The following SUMF1 variants were observed in gnomAD, a reference collection of about 807,000 sequenced individuals.
SUMF1 encodes the protein sulfatase modifying factor 1.
A neutral mutation model predicts 47.6 loss-of-function variants in SUMF1; 48 were observed. The ratio of observed to expected loss-of-function variants is 1.01; its 90% CI spans 0.80 to 1.28. The LOEUF is 1.28. Ranked by LOEUF, SUMF1 falls within the 50% of genes most tolerant of loss-of-function variation. The pLI, the probability that SUMF1 is intolerant of heterozygous loss-of-function variation, is 0.00. For synonymous variants in SUMF1, 230 were observed against 192.1 expected, an observed-to-expected ratio of 1.20 and a Z score of -1.63; for missense variants, 571 against 485.4, an observed-to-expected ratio of 1.18 and a Z score of -1.66.
At chr3:4,171,450 C>T (rs765758928) in intron 8 of SUMF1, among the ~76,000 whole-genome samples, 2 of 152,036 alleles carry the variant, frequency 1.3e-5, no homozygotes, top group Non-Finnish European at 2.9e-5. Context: ...CCAAAGAAAC[C>T]CAAGGGTCAT....
chr3:4,252,581 C>A (rs1441607223), intron 8 of SUMF1, among the ~76,000 whole-genome samples: 1 of 152,084 alleles, frequency 6.6e-6, no homozygotes, highest in Non-Finnish European at 1.5e-5. Flanking sequence ...CATTTTTACA[C>A]GTACAATGAA....
At chr3:4,416,764 A>C (rs1559285748) in intron 6 of SUMF1, among the ~76,000 whole-genome samples, 1 of 152,232 alleles carries the variant, frequency 6.6e-6, no homozygotes, top group Non-Finnish European at 1.5e-5. Context: ...CATTGCAAGC[A>C]CTCAATAACT....
At position 4,145,599 on chromosome 3, in the gene SUMF1, G is replaced by A. The variant is rs114666915; in HGVS notation, c.1015-76854C>T. Among the ~76,000 whole-genome samples the A allele has an allele frequency of 9.2e-3, 1,402 of 152,176 alleles. 12 individuals are homozygous for A. The highest frequency in any genetic ancestry group is 0.014 in the Non-Finnish European group (938 of 68,012). ...TATTGCTTTTGTCTCTGTGCATAAT[G>A]CAGGGTTGACTCATAATAGATATGA... On this transcript the variant is annotated intron_variant and NMD_transcript_variant, in intron 8 of 12. Coordinates refer to the SUMF1 transcript ENST00000448413.
intron 8 of SUMF1, among the ~76,000 whole-genome samples, chr3:4,137,260 G>A (rs1253727132): frequency 6.6e-6 from 1 of 151,994 alleles, no homozygotes; most frequent in African/African-American, 2.4e-5. Flanking sequence ...AAGAAAATGT[G>A]GCACATATAC....
intron 8 of SUMF1, chr3:4,303,736 T>A (rs1559211118): frequency 6.7e-7 from 1 of 1,494,248 alleles, no homozygotes; most frequent in Non-Finnish European, 9.0e-7. Flanking sequence ...GTTGTCCTTT[T>A]CAGTCCATTC....
chr3:4,449,926 T>G (rs1702912920), intron 2 of SUMF1, among the ~76,000 whole-genome samples: 1 of 152,216 alleles, frequency 6.6e-6, no homozygotes, highest in Admixed American at 6.5e-5. Context: ...AGGTCGTTTG[T>G]CCCTTGGTAA....
chr3:4,387,560 TTC>T (rs1464139797), intron 7 of SUMF1, among the ~76,000 whole-genome samples: 1 of 152,060 alleles, frequency 6.6e-6, no homozygotes, highest in East Asian at 1.9e-4. Flanking sequence ...TAACTGATTT[TTC>T]TCTGTTTTTC....
intron 7 of SUMF1, among the ~76,000 whole-genome samples, chr3:4,384,782 A>T (rs1000454253): frequency 6.6e-6 from 1 of 152,134 alleles, no homozygotes; most frequent in Non-Finnish European, 1.5e-5. Context: ...ACGAATAAAG[A>T]TGCTATGTAC....
At chr3:4,085,728 C>T (rs1420277908) in intron 8 of SUMF1, among the ~76,000 whole-genome samples, 1 of 152,044 alleles carries the variant, frequency 6.6e-6, no homozygotes, top group Non-Finnish European at 1.5e-5. Context: ...TTTTGTTCTA[C>T]TTTGTCCTTC....
At chr3:4,457,811 A>C (rs2079703532) in intron 1 of SUMF1, among the ~76,000 whole-genome samples, 1 of 152,204 alleles carries the variant, frequency 6.6e-6, no homozygotes, top group Non-Finnish European at 1.5e-5. Flanking sequence ...TTGGGAAAAG[A>C]AGCTCCATGA....
chr3:4,435,321 C>T (rs1158303644), intron 3 of SUMF1, among the ~76,000 whole-genome samples: 2 of 151,960 alleles, frequency 1.3e-5, no homozygotes, highest in Non-Finnish European at 2.9e-5. Flanking sequence ...AAATAGGGAA[C>T]CTGAAGACAT....
chr3:4,058,718 A>G (rs761931904), intron 9 of SUMF1, among the ~76,000 whole-genome samples: 23 of 152,228 alleles, frequency 1.5e-4, no homozygotes, highest in Non-Finnish European at 3.4e-4. Context: ...GAAATAAAGT[A>G]GAACAGGCTT....
chr3:4,239,403 TA>T (rs1320017572), intron 8 of SUMF1, among the ~76,000 whole-genome samples: 1 of 152,224 alleles, frequency 6.6e-6, no homozygotes, highest in Non-Finnish European at 1.5e-5. Flanking sequence ...CTCCTATCCA[TA>T]AGCATGGAAT....
chr3:4,372,149 A>T (rs1434487640), intron 8 of SUMF1, among the ~76,000 whole-genome samples: 1 of 152,112 alleles, frequency 6.6e-6, no homozygotes, highest in African/African-American at 2.4e-5. Flanking sequence ...CTCTACACAA[A>T]AATTAGCTGG....
intron 8 of SUMF1, among the ~76,000 whole-genome samples, chr3:4,252,138 C>A (rs1316822019): frequency 1.3e-5 from 2 of 152,168 alleles, no homozygotes; most frequent in Non-Finnish European, 1.5e-5. Flanking sequence ...ATGAGTAACA[C>A]TGCACAAATC....
chr3:4,399,969 G>C (rs1377840645), intron 7 of SUMF1, among the ~76,000 whole-genome samples: 1 of 152,116 alleles, frequency 6.6e-6, no homozygotes, highest in Non-Finnish European at 1.5e-5. Flanking sequence ...ATGTTAGCCA[G>C]GCTACGTGAT....
At chr3:4,251,109 A>G (rs1696792505) in intron 8 of SUMF1, among the ~76,000 whole-genome samples, 1 of 152,236 alleles carries the variant, frequency 6.6e-6, no homozygotes, top group Admixed American at 6.5e-5. Context: ...ACCATTCTAG[A>G]TACCATTAAG....
At chr3:4,398,969 C>A (rs1257745336) in intron 7 of SUMF1, among the ~76,000 whole-genome samples, 2 of 152,156 alleles carry the variant, frequency 1.3e-5, no homozygotes, top group Non-Finnish European at 2.9e-5. Flanking sequence ...TTAATCTTGA[C>A]TGCAAATCAA....
At chr3:4,265,136 CAAAAAAAA>C (rs71043507) in intron 8 of SUMF1, among the ~76,000 whole-genome samples, 4 of 73,410 alleles carry the variant, frequency 5.4e-5, no homozygotes, top group African/African-American at 1.6e-4. Context: ...GACTCCATCT[CAAAAAAAA>C]AAAAAAAAAA....
Sources: gnomAD v4.1 joint callset for allele counts (sites outside exome capture counted in the v4.1 genomes callset) on GRCh38, gnomAD v4.1.1 for gene constraint, MANE v1.5 for transcripts, NCBI Gene and HGNC (gene_info 2026-07-23, HGNC 2026-07-21) for gene names.